The following LRRC69 variants were observed in gnomAD, a reference collection of about 807,000 sequenced individuals.
LRRC69 encodes the protein leucine-rich repeat-containing protein 69.
LRRC69 carries 42 observed loss-of-function variants against 37.8 expected under a neutral mutation model. The ratio of observed to expected loss-of-function variants is 1.11; its 90% CI spans 0.87 to 1.44. LRRC69 has a LOEUF of 1.44. Ranked by LOEUF, LRRC69 falls within the 40% of genes most tolerant of loss-of-function variation. The pLI is 0.00. For missense variants in LRRC69, 357 were observed against 401.9 expected, an observed-to-expected ratio of 0.89 and a Z score of 0.96; for synonymous variants, 141 against 143.1, an observed-to-expected ratio of 0.99 and a Z score of 0.11.
At chr8:91,126,750 G>A (rs1056908755) in intron 2 of LRRC69, among the ~76,000 whole-genome samples, 4 of 151,988 alleles carry the variant, frequency 2.6e-5, no homozygotes, top group Non-Finnish European at 2.9e-5. Context: ...TTATAAATAC[G>A]AAAATGAGAG....
chr8:91,115,054 A>AG (rs1338355110), intron 1 of LRRC69, among the ~76,000 whole-genome samples: 2 of 151,848 alleles, frequency 1.3e-5, no homozygotes, highest in African/African-American at 4.8e-5. Flanking sequence ...GAGGGAGATA[A>AG]GGGGAGATGT....
At chr8:91,107,667 GT>G (rs1474749981) in intron 1 of LRRC69, among the ~76,000 whole-genome samples, 1 of 151,982 alleles carries the variant, frequency 6.6e-6, no homozygotes, top group Non-Finnish European at 1.5e-5. Flanking sequence ...AAATGAGGGG[GT>G]AGGGGTTCTT....
chr8:91,180,967 C>A (rs1420948379), intron 5 of LRRC69, among the ~76,000 whole-genome samples: 3 of 151,488 alleles, frequency 2.0e-5, no homozygotes, highest in Non-Finnish European at 1.5e-5. Context: ...TAAAATACCT[C>A]TAGGAAAAAA....
At chr8:91,218,404 G>A (rs937257672) in intron 7 of LRRC69, among the ~76,000 whole-genome samples, 5 of 151,778 alleles carry the variant, frequency 3.3e-5, no homozygotes, top group Non-Finnish European at 1.5e-5. Context: ...CAACTTGCCT[G>A]AGACCCAGCC....
chr8:91,161,853 T>C (rs897467375), intron 5 of LRRC69, among the ~76,000 whole-genome samples: 7 of 151,422 alleles, frequency 4.6e-5, no homozygotes, highest in Non-Finnish European at 8.9e-5. Context: ...TGTCAGATTG[T>C]TTATTTAAAA....
chr8:91,174,884 G>T (rs1809197289), intron 5 of LRRC69, among the ~76,000 whole-genome samples: 1 of 80,050 alleles, frequency 1.2e-5, no homozygotes, highest in African/African-American at 5.5e-5. Context: ...TGTATAACTG[G>T]CTTTTAAAAC....
intron 5 of LRRC69, among the ~76,000 whole-genome samples, chr8:91,146,522 C>A (rs1400314456): frequency 1.9e-5 from 2 of 104,486 alleles, no homozygotes; most frequent in Admixed American, 1.7e-4. Flanking sequence ...CATTGATTTT[C>A]ATTTAGATGA....
chr8:91,185,955 A>G (rs1809401153), intron 5 of LRRC69, among the ~76,000 whole-genome samples: 1 of 152,150 alleles, frequency 6.6e-6, no homozygotes, highest in African/African-American at 2.4e-5. Flanking sequence ...GCTCCTGCTA[A>G]TCTAGCCCCC....
chr8:91,144,186 G>A (rs1808577809), intron 5 of LRRC69, among the ~76,000 whole-genome samples: 1 of 151,924 alleles, frequency 6.6e-6, no homozygotes, highest in Admixed American at 6.6e-5. Flanking sequence ...AAATTTTGGG[G>A]TGTCTCTGAA....
intron 1 of LRRC69, among the ~76,000 whole-genome samples, chr8:91,122,661 C>A (rs565067146): frequency 2.2e-4 from 34 of 152,146 alleles, no homozygotes; most frequent in Admixed American, 1.5e-3. Context: ...TTCACAATGC[C>A]TGACACATTC....
intron 5 of LRRC69, among the ~76,000 whole-genome samples, chr8:91,176,134 A>ATATATATGTATTTTTTTTT: frequency 1.3e-5 from 1 of 75,710 alleles, no homozygotes; most frequent in Non-Finnish European, 2.4e-5. Context: ...ATATATATAT[A>ATATATATGTATTTTTTTTT]TTTTTTTTTT....
At chr8:91,179,693 T>C (rs1241281679) in intron 5 of LRRC69, among the ~76,000 whole-genome samples, 1 of 152,250 alleles carries the variant, frequency 6.6e-6, no homozygotes, top group African/African-American at 2.4e-5. Flanking sequence ...TTGATAAATA[T>C]TATTTTTTGG....
intron 1 of LRRC69, among the ~76,000 whole-genome samples, chr8:91,104,390 C>A (rs1272897394): frequency 4.0e-5 from 6 of 151,816 alleles, no homozygotes; most frequent in African/African-American, 1.4e-4. Flanking sequence ...TTGGGTAACT[C>A]TAAACTTCTA....
At position 91,203,574 on chromosome 8, in the gene LRRC69, T is replaced by A. The variant is rs562905609; in HGVS notation, c.933+2782T>A. Among the ~76,000 whole-genome samples the A allele has an allele frequency of 1.2e-4, 18 of 151,504 alleles. 1 individual carries two copies. Among genetic ancestry groups the A allele is most frequent in the South Asian group, 6.3e-4 (3 of 4,772 alleles). On this transcript the variant is annotated intron_variant, in intron 7 of 7. Coordinates refer to ENST00000448384, the Ensembl canonical transcript of LRRC69. ...CACCTGGCTTTTTTTTGTGTGTGTA[T>A]TTTTAGTAGAGATGGGGTTTTACCA... is the stretch of plus-strand genomic sequence containing the variant.
chr8:91,161,122 A>G (rs987166311), intron 5 of LRRC69, among the ~76,000 whole-genome samples: 1 of 151,488 alleles, frequency 6.6e-6, no homozygotes, highest in African/African-American at 2.4e-5. Context: ...ATATTGAACC[A>G]TCCTTGAATC....
At chr8:91,213,017 T>A (rs1809962609) in intron 7 of LRRC69, among the ~76,000 whole-genome samples, 1 of 152,178 alleles carries the variant, frequency 6.6e-6, no homozygotes, top group South Asian at 2.1e-4. Flanking sequence ...ACAGTAGTAT[T>A]CTGTATCTAT....
chr8:91,165,449 G>A (rs1435732991), intron 5 of LRRC69, among the ~76,000 whole-genome samples: 1 of 151,718 alleles, frequency 6.6e-6, no homozygotes, highest in Non-Finnish European at 1.5e-5. Context: ...AGACCATGAG[G>A]TTTTTGTTAC....
At chr8:91,183,168 G>C (rs1320088323) in intron 5 of LRRC69, among the ~76,000 whole-genome samples, 1 of 152,164 alleles carries the variant, frequency 6.6e-6, no homozygotes, top group Non-Finnish European at 1.5e-5. Flanking sequence ...TGAGGATTTT[G>C]AACTTTAAGG....
At chr8:91,171,379 C>T (rs905148282) in intron 5 of LRRC69, among the ~76,000 whole-genome samples, 1 of 151,908 alleles carries the variant, frequency 6.6e-6, no homozygotes, top group African/African-American at 2.4e-5. Context: ...GATTTTTTCA[C>T]CTCCCCCATA....
Sources: allele counts gnomAD v4.1 joint callset (sites outside exome capture counted in the v4.1 genomes callset), GRCh38; gene constraint gnomAD v4.1.1; transcripts MANE v1.5; gene names NCBI Gene and HGNC (gene_info 2026-07-23, HGNC 2026-07-21).